Variants in AGBL4 observed in about 807,000 individuals in gnomAD.
AGBL4 encodes cytosolic carboxypeptidase 6.
In AGBL4, 58 loss-of-function variants were observed where a neutral mutation model predicts 66.4. The ratio of observed to expected loss-of-function variants is 0.87; its 90% CI spans 0.71 to 1.09. The LOEUF is 1.09. Among genes scored for constraint, AGBL4 ranks in the 50% least tolerant of loss-of-function variants. The pLI, the probability that AGBL4 is intolerant of heterozygous loss-of-function variation, is 0.00. For missense variants in AGBL4, 579 were observed against 631.0 expected (o/e 0.92, Z 0.88); for synonymous variants, 234 against 222.9 (o/e 1.05, Z -0.44).
chr1:48,714,551 C>T (rs1332783877), intron 6 of AGBL4, among the ~76,000 whole-genome samples: 1 of 152,232 alleles, frequency 6.6e-6, no homozygotes, highest in Non-Finnish European at 1.5e-5. Flanking sequence ...TCTTGCCGGA[C>T]TATTAAGCCC....
intron 5 of AGBL4, among the ~76,000 whole-genome samples, chr1:48,895,582 C>A (rs913561868): frequency 2.7e-4 from 41 of 152,228 alleles, no homozygotes; most frequent in African/African-American, 9.6e-4. Context: ...AATTCATAAT[C>A]AATCAAGCGA....
intron 6 of AGBL4, among the ~76,000 whole-genome samples, chr1:48,791,487 A>G (rs561868419): frequency 2.4e-4 from 37 of 152,338 alleles, no homozygotes; most frequent in African/African-American, 2.2e-4. Flanking sequence ...CTTGAGCCAA[A>G]GAATGAGCCC....
At chr1:49,143,877 A>G (rs1646165152) in intron 4 of AGBL4, among the ~76,000 whole-genome samples, 1 of 152,228 alleles carries the variant, frequency 6.6e-6, no homozygotes, top group Non-Finnish European at 1.5e-5. Flanking sequence ...TTATCTCCAT[A>G]TGCCATTTTT....
At chr1:49,209,074 G>A (rs2148250605) in intron 4 of AGBL4, among the ~76,000 whole-genome samples, 1 of 152,180 alleles carries the variant, frequency 6.6e-6, no homozygotes, top group East Asian at 1.9e-4. Flanking sequence ...CACCCATGGG[G>A]ACCCTGGAAA....
chr1:49,778,627 G>C (rs1161579333), intron 2 of AGBL4, among the ~76,000 whole-genome samples: 4 of 152,178 alleles, frequency 2.6e-5, no homozygotes, highest in Non-Finnish European at 5.9e-5. Context: ...ACAGGTAAAA[G>C]AGCCCTCCTG....
intron 5 of AGBL4, among the ~76,000 whole-genome samples, chr1:48,937,869 G>C (rs1655614289): frequency 6.6e-6 from 1 of 152,122 alleles, no homozygotes; most frequent in Non-Finnish European, 1.5e-5. Context: ...TGGATTCTTA[G>C]TCTCTTTGGG....
At position 49,708,344 on chromosome 1, in the gene AGBL4, T is replaced by C. The variant is rs372860147; in HGVS notation, c.158-10907A>G. Among the ~76,000 whole-genome samples, 51 of 152,052 alleles carry C rather than the reference T, an allele frequency of 3.4e-4. 1 individual carries two copies. The South Asian group carries it at 9.3e-3, about 28-fold the overall frequency. ...TATACTTTCTTCTGCTTGATCAATT[T>C]GGCTATTGATATTTGTATAAGCTTC... is the stretch of plus-strand genomic sequence containing the variant. On this transcript the variant is annotated intron_variant, in intron 2 of 13. Coordinates refer to ENST00000371839, the MANE Select transcript of AGBL4 (RefSeq NM_032785.4).
At chr1:49,401,820 T>C (rs1388153769) in intron 3 of AGBL4, among the ~76,000 whole-genome samples, 4 of 152,162 alleles carry the variant, frequency 2.6e-5, no homozygotes. Flanking sequence ...GGGCTTTTCT[T>C]TGCTGGGAGA....
intron 4 of AGBL4, among the ~76,000 whole-genome samples, chr1:49,089,042 C>A (rs571294427): frequency 6.6e-6 from 1 of 151,884 alleles, no homozygotes; most frequent in African/African-American, 2.4e-5. Context: ...TCAAGAAATT[C>A]TTGGAAACTA....
intron 9 of AGBL4, among the ~76,000 whole-genome samples, chr1:48,620,777 T>C (rs1332281278): frequency 1.3e-5 from 2 of 152,194 alleles, no homozygotes; most frequent in African/African-American, 4.8e-5. Context: ...GCTTACAATT[T>C]ACCAGCCTTA....
intron 2 of AGBL4, among the ~76,000 whole-genome samples, chr1:49,802,020 T>C (rs1323977052): frequency 6.6e-6 from 1 of 152,180 alleles, no homozygotes; most frequent in Non-Finnish European, 1.5e-5. Context: ...GAATAAAAGA[T>C]AAAATGCTCC....
intron 4 of AGBL4, among the ~76,000 whole-genome samples, chr1:49,208,004 C>T (rs1203316531): frequency 6.6e-6 from 1 of 152,014 alleles, no homozygotes; most frequent in African/African-American, 2.4e-5. Flanking sequence ...ATTATAATAA[C>T]AATAATAACA....
intron 1 of AGBL4, among the ~76,000 whole-genome samples, chr1:49,968,605 C>A (rs1301994490): frequency 1.3e-5 from 2 of 152,144 alleles, no homozygotes; most frequent in Non-Finnish European, 2.9e-5. Flanking sequence ...ATTTCCCAGC[C>A]TCTACTGCAG....
intron 3 of AGBL4, among the ~76,000 whole-genome samples, chr1:49,257,759 G>A (rs967366079): frequency 5.3e-5 from 8 of 152,180 alleles, no homozygotes; most frequent in Admixed American, 3.3e-4. Context: ...CATCTTCTGC[G>A]TCACTCACGC....
chr1:49,528,829 T>C (rs1261284535), intron 3 of AGBL4, among the ~76,000 whole-genome samples: 1 of 152,086 alleles, frequency 6.6e-6, no homozygotes, highest in Non-Finnish European at 1.5e-5. Context: ...TGAGATCCTA[T>C]GGTTTATATA....
chr1:49,265,195 A>T (rs1453679549), intron 3 of AGBL4, among the ~76,000 whole-genome samples: 2 of 152,186 alleles, frequency 1.3e-5, no homozygotes, highest in East Asian at 3.9e-4. Context: ...ATTATGAATG[A>T]TGTCAGTAAC....
chr1:49,311,516 A>G (rs1644941382), intron 3 of AGBL4, among the ~76,000 whole-genome samples: 1 of 152,094 alleles, frequency 6.6e-6, no homozygotes, highest in African/African-American at 2.4e-5. Flanking sequence ...CTTTATGCCT[A>G]ATAGCAACAA....
intron 6 of AGBL4, among the ~76,000 whole-genome samples, chr1:48,850,186 C>T (rs1647002506): frequency 6.6e-6 from 1 of 152,086 alleles, no homozygotes; most frequent in Non-Finnish European, 1.5e-5. Context: ...GAGGATTTTA[C>T]CTATCAATGG....
At chr1:49,561,062 A>G (rs1571038476) in intron 3 of AGBL4, among the ~76,000 whole-genome samples, 1 of 152,210 alleles carries the variant, frequency 6.6e-6, no homozygotes, top group Non-Finnish European at 1.5e-5. Flanking sequence ...ACAAAATTCT[A>G]TAACAACATA....
Sources: allele counts gnomAD v4.1 joint callset (sites outside exome capture counted in the v4.1 genomes callset), GRCh38; gene constraint gnomAD v4.1.1; transcripts MANE v1.5; gene names NCBI Gene and HGNC (gene_info 2026-07-23, HGNC 2026-07-21).